Variants in ZNF169 observed in about 807,000 individuals in gnomAD.
ZNF169 encodes the protein zinc finger protein 169.
Under a neutral mutation model 12.0 loss-of-function variants are expected in ZNF169, and 11 were observed. That is an observed-to-expected ratio of 0.92 (90% CI 0.58 to 1.52). The LOEUF (loss-of-function observed/expected upper bound fraction) is 1.52, where lower values mean the gene tolerates loss of function less well. Among genes scored for constraint, ZNF169 ranks in the 40% most tolerant of loss-of-function variants. ZNF169 has a pLI of 0.00. For missense variants in ZNF169, 722 were observed against 744.0 expected (o/e 0.97, Z 0.34); for synonymous variants, 302 against 286.5 (o/e 1.05, Z -0.55).
intron 1 of ZNF169, among the ~76,000 whole-genome samples, chr9:94,277,267 G>GACCA (rs1487814165): frequency 3.3e-5 from 5 of 152,182 alleles, no homozygotes; most frequent in Non-Finnish European, 5.9e-5. Context: ...TTATTGTGCA[G>GACCA]AGGAAGCTCT....
intron 4 of ZNF169, among the ~76,000 whole-genome samples, chr9:94,297,435 A>T (rs1488177653): frequency 2.0e-5 from 3 of 152,200 alleles, no homozygotes; most frequent in African/African-American, 7.2e-5. Flanking sequence ...GTAGAAATAA[A>T]ATGGATTTAT....
intron 2 of ZNF169, among the ~76,000 whole-genome samples, chr9:94,290,900 C>A (rs776492437): frequency 6.6e-6 from 1 of 151,966 alleles, no homozygotes; most frequent in Non-Finnish European, 1.5e-5. Flanking sequence ...TGAAAGTTTC[C>A]AATTTCTCCA....
intron 2 of ZNF169, among the ~76,000 whole-genome samples, chr9:94,291,182 T>TA (rs1490854813): frequency 6.6e-6 from 1 of 150,756 alleles, no homozygotes; most frequent in Admixed American, 6.7e-5. Context: ...GCCTCCCAAG[T>TA]AGCTGGGACT....
chr9:94,301,311 T>G lies in ZNF169; in HGVS notation c.1753T>G (p.Leu585Val). ...GCGTGGCTTTAGCCAGAAGTCTCAC[T>G]TGCATAGACACAGGAGGACCAAGTC... is the stretch of plus-strand genomic sequence containing the variant. ...CGRGFSQKSHLHRHRRTKSGH... is the reference protein window; with the variant it reads ...CGRGFSQKSHVHRHRRTKSGH... The change falls in exon 5 of 5, where the codon TTG (leucine) becomes GTG (valine). Residue 585 changes from leucine to valine, a missense_variant. Transcript: ENST00000395395. 6.2e-7 allele frequency: 1 copy of G among 1,614,208 alleles called. No homozygotes were observed. Among genetic ancestry groups the G allele is most frequent in the East Asian group, 2.2e-5 (1 of 44,878 alleles).
chr9:94,274,155 C>A (rs1830479742), intron 1 of ZNF169, among the ~76,000 whole-genome samples: 1 of 152,134 alleles, frequency 6.6e-6, no homozygotes, highest in African/African-American at 2.4e-5. Flanking sequence ...CTTACAATGA[C>A]ACCAGTTATA....
At chr9:94,261,384 G>A (rs1222365873) in intron 1 of ZNF169, among the ~76,000 whole-genome samples, 5 of 151,620 alleles carry the variant, frequency 3.3e-5, no homozygotes, top group African/African-American at 7.3e-5. Context: ...CTGATCCACC[G>A]GCCTCGGCCT....
chr9:94,300,655 G>T lies in ZNF169; in HGVS notation c.1097G>T (p.Ser366Ile). ...CQKASLLQHQ[S>I]SHTGERPFLC... is the part of the protein sequence containing the mutation. ...AAGGCATCACTCCTCCAGCACCAGA[G>T]CTCACACACAGGGGAGAGGCCCTTC... is the stretch of plus-strand genomic sequence containing the variant. The change falls in exon 5 of 5, where the codon AGC becomes ATC. Residue 366 changes from serine (S) to isoleucine (I), a missense_variant. Physicochemically the swap from Ser to Ile is moderately radical, Grantham distance 142. Coordinates refer to ENST00000395395, the MANE Select transcript of ZNF169 (RefSeq NM_194320.4). The T allele has an allele frequency of 6.2e-7, 1 of 1,614,218 alleles. No individual in the cohort carries two copies. Among genetic ancestry groups the T allele is most frequent in the Non-Finnish European group, 8.5e-7 (1 of 1,180,028 alleles).
intron 4 of ZNF169, among the ~76,000 whole-genome samples, chr9:94,296,085 G>A (rs1020942786): frequency 2.0e-5 from 3 of 152,200 alleles, no homozygotes; most frequent in African/African-American, 7.2e-5. Context: ...GCTGTGTAGT[G>A]AGTGGCATCT....
At chr9:94,259,925 AG>A (rs1830169304) in intron 1 of ZNF169, among the ~76,000 whole-genome samples, 1 of 152,058 alleles carries the variant, frequency 6.6e-6, no homozygotes, top group South Asian at 2.1e-4. Context: ...TTTGAAACAG[AG>A]TCTCTCTCTG....
intron 1 of ZNF169, among the ~76,000 whole-genome samples, chr9:94,271,624 G>T (rs58759607): frequency 6.6e-6 from 1 of 150,388 alleles, no homozygotes. Context: ...GGAGGCTGAG[G>T]TGGGAGAATC....
chr9:94,270,754 T>G (rs1448921197), intron 1 of ZNF169, among the ~76,000 whole-genome samples: 1 of 92,248 alleles, frequency 1.1e-5, no homozygotes, highest in Non-Finnish European at 2.0e-5. Flanking sequence ...ATTTATATAA[T>G]ATATAAATAT....
chr9:94,267,689 T>C (rs547214175), intron 1 of ZNF169, among the ~76,000 whole-genome samples: 14 of 152,204 alleles, frequency 9.2e-5, no homozygotes, highest in Non-Finnish European at 2.1e-4. Flanking sequence ...TTCCAGTCTA[T>C]TAGTTCAGTT....
intron 2 of ZNF169, among the ~76,000 whole-genome samples, chr9:94,291,481 A>G (rs566976342): frequency 6.6e-6 from 1 of 152,246 alleles, no homozygotes; most frequent in Non-Finnish European, 1.5e-5. Flanking sequence ...CAATAAGGCA[A>G]GAAAAGGAAA....
intron 1 of ZNF169, among the ~76,000 whole-genome samples, chr9:94,272,678 G>A (rs530449349): frequency 6.6e-6 from 1 of 151,966 alleles, no homozygotes; most frequent in Non-Finnish European, 1.5e-5. Flanking sequence ...TTCTTTATCC[G>A]TTCATACATT....
In ZNF169 at chr9:94,301,147, T is replaced by C. The variant is rs765558931; in HGVS notation, c.1589T>C (p.Ile530Thr). Residue 530 changes from isoleucine to threonine, a missense_variant, in exon 5 of 5, where the codon ATC (isoleucine) becomes ACC (threonine). Coordinates refer to ENST00000395395, the MANE Select transcript of ZNF169 (RefSeq NM_194320.4). The stretch of plus-strand genomic sequence containing the variant: ...GGACTTGGCCAGAAGTCACACCTTA[T>C]CTCTGACCAAAGGACACACTCAGGA... ...GQGLGQKSHL[I>T]SDQRTHSGEK... 1.9e-6 allele frequency: 3 copies of C among 1,614,194 alleles called. No homozygotes were observed. Among genetic ancestry groups the C allele is most frequent in the South Asian group, 2.2e-5 (2 of 91,080 alleles).
rs143801361 is a variant in ZNF169 at position 94,261,084 on chromosome 9, T to C, written c.-56+1739T>C. Among the ~76,000 whole-genome samples, 790 of 150,758 alleles carry C rather than the reference T, an allele frequency of 5.2e-3. 8 individuals carry two copies. Among genetic ancestry groups the C allele is most frequent in the African/African-American group, 0.019 (761 of 40,992 alleles). On this transcript the variant is annotated intron_variant, in intron 1 of 4. Transcript: ENST00000395395. ...GTCTTGCTCTGTCGCCAGGCTGGAG[T>C]GCAGTGGGGTGGCGCGGCGCGATCT...
At chr9:94,259,832 A>G (rs1830167019) in intron 1 of ZNF169, among the ~76,000 whole-genome samples, 1 of 152,118 alleles carries the variant, frequency 6.6e-6, no homozygotes, top group African/African-American at 2.4e-5. Flanking sequence ...AAACTTCCCC[A>G]TTAGTGGGAG....
intron 4 of ZNF169, chr9:94,293,901 A>C (rs3131910): frequency 0.3 from 45,076 of 152,114 alleles, 7,966 homozygotes; most frequent in East Asian, 0.56. Context: ...ACCAGGTAAT[A>C]GCCCCATACT....
intron 1 of ZNF169, among the ~76,000 whole-genome samples, chr9:94,274,041 T>C (rs1830478486): frequency 6.6e-6 from 1 of 152,234 alleles, no homozygotes; most frequent in African/African-American, 2.4e-5. Context: ...TCGGCAGGGT[T>C]GGTTTCTTCT....
Sources: gnomAD v4.1 joint callset for allele counts (sites outside exome capture counted in the v4.1 genomes callset) on GRCh38, gnomAD v4.1.1 for gene constraint, MANE v1.5 for transcripts, NCBI Gene and HGNC (gene_info 2026-07-23, HGNC 2026-07-21) for gene names.